The following WASF3 variants were observed in gnomAD, a reference collection of about 807,000 sequenced individuals.
WASF3 encodes the protein WASP family member 3.
In WASF3, 11 loss-of-function variants were observed where a neutral mutation model predicts 46.6. The ratio of observed to expected loss-of-function variants is 0.24; its 90% CI spans 0.15 to 0.39. The LOEUF (loss-of-function observed/expected upper bound fraction) is 0.39. Ranked by LOEUF, WASF3 falls within the 10% of genes least tolerant of loss-of-function variation. The pLI is 1.00. For missense variants in WASF3, 576 were observed against 669.8 expected (o/e 0.86, Z 1.55); for synonymous variants, 242 against 259.7 (o/e 0.93, Z 0.65).
chr13:26,656,164 G>A (rs746855155), intron 3 of WASF3, among the ~76,000 whole-genome samples: 2 of 151,938 alleles, frequency 1.3e-5, no homozygotes, highest in Non-Finnish European at 2.9e-5. Context: ...GAAAATCCAC[G>A]TACAGTTTTT....
intron 1 of WASF3, among the ~76,000 whole-genome samples, chr13:26,579,912 T>A (rs1282295373): frequency 1.3e-5 from 2 of 152,232 alleles, no homozygotes; most frequent in African/African-American, 4.8e-5. Flanking sequence ...GTCCAACCTA[T>A]GGCCCATGGG....
intron 9 of WASF3, among the ~76,000 whole-genome samples, chr13:26,683,461 G>A (rs1365050611): frequency 6.7e-6 from 1 of 148,426 alleles, no homozygotes; most frequent in Non-Finnish European, 1.5e-5. Context: ...AGGCGACAGA[G>A]CGAGACCCGT....
chr13:26,601,476 A>T (rs1455545463), intron 1 of WASF3, among the ~76,000 whole-genome samples: 1 of 152,178 alleles, frequency 6.6e-6, no homozygotes, highest in Non-Finnish European at 1.5e-5. Flanking sequence ...TCACTGGAGT[A>T]TGGATGATGG....
At position 26,673,004 on chromosome 13, in the gene WASF3, G is replaced by A. The variant is rs1392383344; in HGVS notation, c.540+1015G>A. On this transcript the variant is annotated intron_variant, in intron 6 of 9. Transcript: ENST00000335327. ...GGAGATTTAATTGGGATATATCTTG[G>A]AAAAGTTGCTAGGTTTTGCAGAATA... Among the ~76,000 whole-genome samples, 2 of 152,106 alleles carry A rather than the reference G, an allele frequency of 1.3e-5. 1 individual carries two copies.
chr13:26,656,716 A>G (rs1264371186), intron 3 of WASF3, among the ~76,000 whole-genome samples: 2 of 152,058 alleles, frequency 1.3e-5, no homozygotes, highest in Non-Finnish European at 2.9e-5. Flanking sequence ...ATATATCCCA[A>G]TTTTGTTAGT....
Position 26,686,035 on chromosome 13 carries a change from A to G in WASF3, c.*190A>G, listed in dbSNP as rs79625024. On this transcript the variant is annotated 3_prime_UTR_variant, in exon 10 of 10. Coordinates refer to ENST00000335327, the MANE Select transcript of WASF3 (RefSeq NM_006646.6). ...GTGTAATACTTAAGTGCCACTAAAC[A>G]TAGCAAATTGTGCTGCACATGAGGA... 1,529 of 668,582 alleles carry G rather than the reference A, an allele frequency of 2.3e-3. 16 individuals carry two copies. The East Asian group carries it at 0.027, about 12-fold the overall frequency. The allele number at this position is 668,582 out of a possible 1,614,324, so 41.4% of individuals were successfully genotyped here. A position where few individuals can be genotyped will look rare whatever the true frequency, so the allele number is the denominator to read the frequency against.
chr13:26,619,938 A>G (rs909771601), intron 2 of WASF3, among the ~76,000 whole-genome samples: 1 of 152,186 alleles, frequency 6.6e-6, no homozygotes, highest in African/African-American at 2.4e-5. Context: ...TCCTGGTAAG[A>G]CACAGAAATG....
intron 4 of WASF3, among the ~76,000 whole-genome samples, chr13:26,666,565 G>A (rs1250958084): frequency 1.3e-5 from 2 of 152,156 alleles, no homozygotes; most frequent in South Asian, 2.1e-4. Flanking sequence ...GAATAGGTAG[G>A]TTAATAGCCT....
intron 1 of WASF3, among the ~76,000 whole-genome samples, chr13:26,558,541 A>G (rs1879179367): frequency 6.7e-6 from 1 of 148,916 alleles, no homozygotes; most frequent in Non-Finnish European, 1.5e-5. Context: ...GGCTTTAGCG[A>G]GGGCAGAAGC....
chr13:26,626,137 A>G (rs2137251007), intron 2 of WASF3: 1 of 152,328 alleles, frequency 6.6e-6, no homozygotes, highest in East Asian at 1.9e-4. Context: ...AGTAGGGGAG[A>G]GAGATTGGGT....
rs142375078 is a variant in WASF3 at position 26,608,121 on chromosome 13, G to A, written c.-108-4840G>A. Among the ~76,000 whole-genome samples the A allele has an allele frequency of 2.6e-4, 39 of 148,252 alleles. No homozygotes were observed. In the East Asian group the frequency reaches 4.8e-3, roughly 18 times the overall value. On this transcript the variant is annotated intron_variant, in intron 1 of 9. Coordinates refer to ENST00000335327, the MANE Select transcript of WASF3 (RefSeq NM_006646.6). ...AAGAGTGGTTGATGTGGTCCAGATC[G>A]TTGCCTGGGTTATCAGATTCTCTGG...
chr13:26,610,131 G>A (rs1385513023), intron 1 of WASF3, among the ~76,000 whole-genome samples: 3 of 152,098 alleles, frequency 2.0e-5, no homozygotes, highest in African/African-American at 4.8e-5. Context: ...TGACTCCAGG[G>A]GAGTCAGCAT....
At position 26,682,618 on chromosome 13, in the gene WASF3, C is replaced by T. The variant is rs746475574; in HGVS notation, c.995C>T (p.Ala332Val). The T allele has an allele frequency of 8.2e-5, 133 of 1,614,032 alleles. No homozygotes were observed. The highest frequency in any genetic ancestry group is 5.8e-4 in the East Asian group (26 of 44,882). Residue 332 changes from alanine (A) to valine (V), a missense_variant, in exon 9 of 10, where the codon GCG (alanine) becomes GTG (valine). Physicochemically the swap from Ala to Val is moderately conservative, Grantham distance 64. Around this residue, in one of 3 missense-constraint regions of WASF3, gnomAD observed 295 missense variants for 291.5 expected, o/e 1.01. Coordinates refer to ENST00000335327, the MANE Select transcript of WASF3 (RefSeq NM_006646.6). The surrounding 1 kb of genome is among the most constrained non-coding windows in gnomAD (Gnocchi z 4.4). ...CATATCTCTCTCAGGATGCTCCCAG[C>T]GCAGATAATTGAGTATTACAACCCA... ...MAPADYGMLP[A>V]QIIEYYNPSG... is the part of the protein sequence containing the mutation.
intron 1 of WASF3, among the ~76,000 whole-genome samples, chr13:26,562,188 A>G (rs1400723230): frequency 6.6e-6 from 1 of 152,182 alleles, no homozygotes; most frequent in Admixed American, 6.5e-5. Context: ...AGGAGTGTGT[A>G]TAGAGTAAGA....
chr13:26,603,112 TC>T (rs1880691035), intron 1 of WASF3, among the ~76,000 whole-genome samples: 1 of 152,206 alleles, frequency 6.6e-6, no homozygotes, highest in Non-Finnish European at 1.5e-5. Flanking sequence ...TTTGTCTTTC[TC>T]CTGAAATAGC....
At chr13:26,583,348 G>T (rs1880038720) in intron 1 of WASF3, among the ~76,000 whole-genome samples, 1 of 152,202 alleles carries the variant, frequency 6.6e-6, no homozygotes, top group Admixed American at 6.5e-5. Context: ...CAAATGGCAA[G>T]TGAACAGTAA....
At chr13:26,545,652 C>A in the WASF3 span, among the ~76,000 whole-genome samples, 1 of 152,124 alleles carries the variant, frequency 6.6e-6, no homozygotes, top group Non-Finnish European at 1.5e-5. Context: ...GTTTCAAAGG[C>A]TAGAGGGCAG....
At chr13:26,553,700 C>G (rs1879017105), upstream of WASF3, among the ~76,000 whole-genome samples, 2 of 151,750 alleles carry the variant, frequency 1.3e-5, no homozygotes, top group African/African-American at 4.8e-5. Flanking sequence ...GCCTGTAGTC[C>G]CAGCTACTTG....
intron 7 of WASF3, chr13:26,680,341 GCA>G: frequency 2.0e-6 from 2 of 1,007,126 alleles, no homozygotes; most frequent in South Asian, 3.8e-5. Context: ...AACGCCCACG[GCA>G]CTGCCGGGCT....
Sources: allele counts gnomAD v4.1 joint callset (sites outside exome capture counted in the v4.1 genomes callset), GRCh38; gene constraint gnomAD v4.1.1; regional missense constraint gnomAD v4.1.1; non-coding constraint Gnocchi (gnomAD v3.1); transcripts MANE v1.5; gene names NCBI Gene and HGNC (gene_info 2026-07-23, HGNC 2026-07-21).